NPAS3: variants seen among roughly 807,000 people sequenced by gnomAD.
NPAS3 encodes neuronal PAS domain-containing protein 3.
NPAS3 carries 14 observed loss-of-function variants against 73.1 expected under a neutral mutation model. The ratio of observed to expected loss-of-function variants is 0.19; its 90% CI spans 0.13 to 0.30. The LOEUF (loss-of-function observed/expected upper bound fraction) is 0.30, where lower values mean the gene tolerates loss of function less well. NPAS3 is among the 10% of genes least tolerant of loss of function. The probability of loss-of-function intolerance (pLI) is 1.00; values close to 1 mark genes in which losing one functional copy is unlikely to be tolerated. For synonymous variants in NPAS3, 620 were observed against 541.5 expected (o/e 1.14, Z -2.01); for missense variants, 1,096 against 1,250.0 (o/e 0.88, Z 1.86).
At position 33,761,124 on chromosome 14, in the gene NPAS3, A is replaced by C. The variant is rs527689553; in HGVS notation, c.853-13213A>C. Among the ~76,000 whole-genome samples, 5 of 152,278 alleles carry C rather than the reference A, an allele frequency of 3.3e-5. No individual in the cohort carries two copies. The East Asian group carries it at 9.6e-4, about 29-fold the overall frequency. On this transcript the variant is annotated intron_variant, in intron 7 of 11. Transcript: ENST00000356141. ...ATACTATGGACAGAACGTGTACTAC[A>C]GGGGAATATTTGTCTTGAGTTGTCT...
intron 3 of NPAS3, among the ~76,000 whole-genome samples, chr14:33,320,347 G>A (rs1418479916): frequency 6.6e-6 from 1 of 152,084 alleles, no homozygotes; most frequent in African/African-American, 2.4e-5. Context: ...GAAGATCAGG[G>A]TTGTTCTTAG....
chr14:33,205,480 A>G (rs2046788786), intron 2 of NPAS3, among the ~76,000 whole-genome samples: 1 of 152,176 alleles, frequency 6.6e-6, no homozygotes, highest in Non-Finnish European at 1.5e-5. Context: ...ATTGTTTTCT[A>G]GAAGTTGTAA....
At chr14:33,696,152 T>C (rs1347856887) in intron 6 of NPAS3, among the ~76,000 whole-genome samples, 1 of 152,212 alleles carries the variant, frequency 6.6e-6, no homozygotes, top group Non-Finnish European at 1.5e-5. Context: ...CAGGTTTTAG[T>C]ATTTTTCTAT....
chr14:33,262,092 A>G (rs76125947), intron 3 of NPAS3, among the ~76,000 whole-genome samples: 7 of 152,336 alleles, frequency 4.6e-5, no homozygotes, highest in African/African-American at 1.7e-4. Context: ...TTCCAAAGAT[A>G]TAAGTAGAGA....
chr14:32,980,160 G>C (rs1404861590), intron 1 of NPAS3, among the ~76,000 whole-genome samples: 1 of 152,108 alleles, frequency 6.6e-6, no homozygotes, highest in Non-Finnish European at 1.5e-5. Flanking sequence ...AAGAAGAATT[G>C]GTTCCTACCT....
At chr14:33,024,579 G>T (rs994696206) in intron 1 of NPAS3, among the ~76,000 whole-genome samples, 1 of 152,186 alleles carries the variant, frequency 6.6e-6, no homozygotes, top group African/African-American at 2.4e-5. Flanking sequence ...TGAAAATCAT[G>T]TTCTTGAGTA....
chr14:33,586,245 T>C (rs1027274665), intron 5 of NPAS3, among the ~76,000 whole-genome samples: 1 of 151,526 alleles, frequency 6.6e-6, no homozygotes, highest in Non-Finnish European at 1.5e-5. Context: ...TCAGATGTTT[T>C]ATTGACTGTT....
chr14:33,485,800 TAGA>T (rs1237735744), intron 4 of NPAS3, among the ~76,000 whole-genome samples: 1 of 152,168 alleles, frequency 6.6e-6, no homozygotes, highest in African/African-American at 2.4e-5. Flanking sequence ...CTCCCCACGT[TAGA>T]ACTTACCCAC....
chr14:33,728,980 A>C lies in NPAS3; in HGVS notation c.734-6234A>C, dbSNP rs564386756. Among the ~76,000 whole-genome samples, 5 of 152,306 alleles carry C rather than the reference A, an allele frequency of 3.3e-5. No homozygotes were observed. The East Asian group carries it at 7.7e-4, about 23-fold the overall frequency. The stretch of plus-strand genomic sequence containing the variant: ...AATTCTTCTTAGAAGAAAGTATCTG[A>C]ATGTCACTTTATTTTGACACGTGTA... On this transcript the variant is annotated intron_variant, in intron 6 of 11. Transcript: ENST00000356141.
intron 3 of NPAS3, among the ~76,000 whole-genome samples, chr14:33,263,789 T>C (rs931480678): frequency 1.3e-5 from 2 of 152,170 alleles, no homozygotes; most frequent in Admixed American, 1.3e-4. Context: ...TATCCTCTTT[T>C]ATTTTGTTGA....
At chr14:33,572,937 C>A (rs4258504) in intron 5 of NPAS3, among the ~76,000 whole-genome samples, 51,191 of 148,030 alleles carry the variant, frequency 0.35, 9,030 homozygotes, top group Middle Eastern at 0.44. Context: ...GCAGGAGAAT[C>A]GCTTAACCCC....
chr14:32,939,053 C>T (rs1222108852), upstream of NPAS3, among the ~76,000 whole-genome samples: 1 of 145,816 alleles, frequency 6.9e-6, no homozygotes, highest in African/African-American at 2.5e-5. Flanking sequence ...GAGGGGACGG[C>T]CGGCCGCCCG....
intron 5 of NPAS3, among the ~76,000 whole-genome samples, chr14:33,663,940 A>C (rs1449534709): frequency 6.6e-6 from 1 of 151,384 alleles, no homozygotes; most frequent in Non-Finnish European, 1.5e-5. Flanking sequence ...TTTCCTCTTT[A>C]TCAGTCTGGC....
intron 2 of NPAS3, among the ~76,000 whole-genome samples, chr14:33,155,475 C>T (rs921782532): frequency 2.6e-5 from 4 of 152,240 alleles, no homozygotes; most frequent in Middle Eastern, 3.4e-3. Context: ...ACTGCAGCTT[C>T]GAATTCCTGG....
At chr14:33,640,460 C>CA (rs1158949043) in intron 5 of NPAS3, among the ~76,000 whole-genome samples, 3 of 151,380 alleles carry the variant, frequency 2.0e-5, no homozygotes, top group Non-Finnish European at 2.9e-5. Context: ...AAGAGTATCT[C>CA]AAAAAAAAGT....
chr14:33,522,624 T>C (rs1362498636), intron 4 of NPAS3, among the ~76,000 whole-genome samples: 1 of 152,110 alleles, frequency 6.6e-6, no homozygotes, highest in African/African-American at 2.4e-5. Context: ...GACAAAGACA[T>C]TGGGGACCGG....
At chr14:33,083,247 T>C (rs1266321281) in intron 2 of NPAS3, among the ~76,000 whole-genome samples, 1 of 127,008 alleles carries the variant, frequency 7.9e-6, no homozygotes, top group Admixed American at 8.6e-5. Flanking sequence ...CACTCCATGA[T>C]AGCAGAGAAA....
At chr14:33,178,060 A>C (rs992152179) in intron 2 of NPAS3, among the ~76,000 whole-genome samples, 4 of 145,950 alleles carry the variant, frequency 2.7e-5, no homozygotes, top group Non-Finnish European at 4.5e-5. Context: ...TTTGATAGGC[A>C]TTGAAGTGAA....
chr14:33,266,712 T>C (rs1303705087), intron 3 of NPAS3, among the ~76,000 whole-genome samples: 2 of 152,172 alleles, frequency 1.3e-5, no homozygotes, highest in African/African-American at 4.8e-5. Flanking sequence ...CTTGACCCTT[T>C]ATCTCTCCAT....
Sources: allele counts gnomAD v4.1 joint callset (sites outside exome capture counted in the v4.1 genomes callset), GRCh38; gene constraint gnomAD v4.1.1; transcripts MANE v1.5; gene names NCBI Gene and HGNC (gene_info 2026-07-23, HGNC 2026-07-21).